The following TTC27 variants were observed in gnomAD, a reference collection of about 807,000 sequenced individuals.
TTC27 encodes the protein tetratricopeptide repeat protein 27.
TTC27 carries 79 observed loss-of-function variants against 115.9 expected under a neutral mutation model. The observed-to-expected ratio is 0.68, with a 90% confidence interval of 0.57 to 0.82. TTC27 has a LOEUF of 0.82. TTC27 is among the 40% of genes least tolerant of loss of function. The probability of loss-of-function intolerance (pLI) is 0.00; values close to 1 mark genes in which losing one functional copy is unlikely to be tolerated. For synonymous variants in TTC27, 401 were observed against 356.0 expected, an observed-to-expected ratio of 1.13 and a Z score of -1.42; for missense variants, 1,054 against 993.1, an observed-to-expected ratio of 1.06 and a Z score of -0.82.
At position 32,640,602 on chromosome 2, in the gene TTC27, G is replaced by C. The variant is rs560171169; in HGVS notation, c.537+192G>C. Among the ~76,000 whole-genome samples the C allele has an allele frequency of 3.6e-4, 55 of 152,262 alleles. No individual in the cohort carries two copies. In the South Asian group the frequency reaches 5.0e-3, roughly 14 times the overall value. ...ATGAGATTGATCTAGTTTAGAATGAGATTATGTTGCACCTCCTTAATAGGA... is the reference window on the plus strand; with the variant it reads ...ATGAGATTGATCTAGTTTAGAATGACATTATGTTGCACCTCCTTAATAGGA... On this transcript the variant is annotated intron_variant, in intron 4 of 19. Coordinates refer to ENST00000317907, the MANE Select transcript of TTC27 (RefSeq NM_017735.5).
rs371783433 is a variant in TTC27 at position 32,725,495 on chromosome 2, C to T, written c.1234-8333C>T. On this transcript the variant is annotated intron_variant, in intron 10 of 19. Coordinates refer to ENST00000317907, the MANE Select transcript of TTC27 (RefSeq NM_017735.5). ...AAATCTGAAAGCTCCAAAATGATCT[C>T]CTTTGACTCCTTGTCACACATCCAG... Among the ~76,000 whole-genome samples, 113 of 152,302 alleles carry T rather than the reference C, an allele frequency of 7.4e-4. 1 individual carries two copies. The highest frequency in any genetic ancestry group is 1.3e-3 in the Non-Finnish European group (88 of 68,028).
chr2:32,754,002 G>A (rs1374735428), intron 12 of TTC27, among the ~76,000 whole-genome samples: 1 of 152,084 alleles, frequency 6.6e-6, no homozygotes, highest in East Asian at 1.9e-4. Context: ...TTGAACCTGG[G>A]AGGTGGAGGT....
At chr2:32,772,929 T>C (rs1484875200) in intron 13 of TTC27, among the ~76,000 whole-genome samples, 1 of 152,146 alleles carries the variant, frequency 6.6e-6, no homozygotes, top group Non-Finnish European at 1.5e-5. Context: ...CTGAGACTCA[T>C]AGGTTAAGTG....
intron 12 of TTC27, among the ~76,000 whole-genome samples, chr2:32,744,418 C>A (rs144877158): frequency 6.6e-6 from 1 of 152,124 alleles, no homozygotes; most frequent in South Asian, 2.1e-4. Context: ...GTTCTGTAAT[C>A]ATCTATTTAA....
chr2:32,808,370 C>G (rs112355227), intron 16 of TTC27, among the ~76,000 whole-genome samples: 2,170 of 152,338 alleles, frequency 0.014, 47 homozygotes, highest in African/African-American at 0.05. Flanking sequence ...ATGTGGAACT[C>G]TTTTCTAAGC....
intron 10 of TTC27, among the ~76,000 whole-genome samples, chr2:32,724,908 A>C (rs1668055448): frequency 6.6e-6 from 1 of 152,220 alleles, no homozygotes; most frequent in Admixed American, 6.5e-5. Flanking sequence ...CCATGTGGCC[A>C]AGGAGGCCTC....
rs376830825 is a variant in TTC27 at position 32,658,029 on chromosome 2, A to T, written c.641-6274A>T. Among the ~76,000 whole-genome samples, 39 of 152,294 alleles carry T rather than the reference A, an allele frequency of 2.6e-4. No homozygotes were observed. The East Asian group carries it at 6.4e-3, about 25-fold the overall frequency. ...TTTTTGGTAGAGACAGGGTTTCACC[A>T]TGTTGGCCAGACTGGTCTCGATCTC... On this transcript the variant is annotated intron_variant, in intron 5 of 19. Transcript: ENST00000317907.
Position 32,640,352 on chromosome 2 carries a change from T to A in TTC27, c.479T>A (p.Leu160Gln). ...SIYSLTSKPI[L>Q]LLLARIILVN... Reference sequence around the variant, plus strand: ...TACAGCCTGACCTCGAAGCCTATACTACTGTTATTAGCACGCATTATCCTA... The same window carrying A: ...TACAGCCTGACCTCGAAGCCTATACAACTGTTATTAGCACGCATTATCCTA... The change falls in exon 4 of 20, where the codon CTA (leucine) becomes CAA (glutamine). Residue 160 changes from leucine (L) to glutamine (Q), a missense_variant. Transcript: ENST00000317907. The A allele has an allele frequency of 1.2e-6, 2 of 1,614,020 alleles. No individual in the cohort carries two copies. The highest frequency in any genetic ancestry group is 1.7e-6 in the Non-Finnish European group (2 of 1,179,944).
At chr2:32,682,529 A>G (rs1202341054) in intron 9 of TTC27, among the ~76,000 whole-genome samples, 3 of 152,220 alleles carry the variant, frequency 2.0e-5, no homozygotes, top group Non-Finnish European at 4.4e-5. Context: ...CAGAGAGGAA[A>G]GAAACAGCAT....
chr2:32,703,713 CTT>C (rs1046298042), intron 10 of TTC27, among the ~76,000 whole-genome samples: 1 of 152,166 alleles, frequency 6.6e-6, no homozygotes, highest in African/African-American at 2.4e-5. Context: ...CATTTAGTCT[CTT>C]TTACACATTT....
chr2:32,650,125 T>C lies in TTC27; in HGVS notation c.538-6T>C, dbSNP rs1427329819. 1 of 1,612,210 alleles carries C rather than the reference T, an allele frequency of 6.2e-7. No individual in the cohort carries two copies. The highest frequency in any genetic ancestry group is 1.1e-5 in the South Asian group (1 of 90,838). On this transcript the variant is annotated splice_polypyrimidine_tract_variant and splice_region_variant and intron_variant, in intron 4 of 19. Coordinates refer to ENST00000317907, the MANE Select transcript of TTC27 (RefSeq NM_017735.5). ...TTATTTCAGCTTACGTGGTGTTTTT[T>C]CCTAGAGCTTGCCATGGTGGACTTT... is the stretch of plus-strand genomic sequence containing the variant.
At chr2:32,683,959 G>T (rs181144782) in intron 9 of TTC27, among the ~76,000 whole-genome samples, 228 of 152,026 alleles carry the variant, frequency 1.5e-3, no homozygotes, top group African/African-American at 5.2e-3. Flanking sequence ...TTTGTGACCC[G>T]CCTGGCCAAC....
intron 10 of TTC27, among the ~76,000 whole-genome samples, chr2:32,731,669 T>A (rs907228665): frequency 1.3e-5 from 2 of 151,984 alleles, no homozygotes; most frequent in African/African-American, 2.4e-5. Flanking sequence ...CAACCTAGAG[T>A]TCTGTTTTTG....
intron 13 of TTC27, among the ~76,000 whole-genome samples, chr2:32,771,168 G>A (rs1331772008): frequency 6.6e-6 from 1 of 152,164 alleles, no homozygotes; most frequent in African/African-American, 2.4e-5. Context: ...ATCTTTCTGA[G>A]CTTTTAAATA....
intron 10 of TTC27, among the ~76,000 whole-genome samples, chr2:32,708,648 A>C (rs1667468999): frequency 6.6e-6 from 1 of 150,420 alleles, no homozygotes. Flanking sequence ...GTAAGAATGC[A>C]GTATATTAAG....
chr2:32,657,825 TA>T (rs77974313), intron 5 of TTC27, among the ~76,000 whole-genome samples: 55 of 151,538 alleles, frequency 3.6e-4, no homozygotes, highest in African/African-American at 9.7e-4. Flanking sequence ...AAATGTAAAT[TA>T]AAAAAAAAAT....
chr2:32,747,040 C>T (rs1326378832), intron 12 of TTC27, among the ~76,000 whole-genome samples: 1 of 152,178 alleles, frequency 6.6e-6, no homozygotes, highest in Non-Finnish European at 1.5e-5. Flanking sequence ...GTGTTTCTCA[C>T]CTTCTCTGGA....
intron 9 of TTC27, among the ~76,000 whole-genome samples, chr2:32,695,748 A>AAAT (rs1559209920): frequency 9.2e-6 from 1 of 108,688 alleles, no homozygotes; most frequent in African/African-American, 3.7e-5. Context: ...AAAAAAAAAA[A>AAAT]AGCTGGGTGT....
At chr2:32,635,008 C>A (rs1260280295) in intron 3 of TTC27, among the ~76,000 whole-genome samples, 2 of 152,098 alleles carry the variant, frequency 1.3e-5, no homozygotes, top group Non-Finnish European at 2.9e-5. Flanking sequence ...GAGTGGTTTG[C>A]TCCCAGGGGT....
Sources: allele counts gnomAD v4.1 joint callset (sites outside exome capture counted in the v4.1 genomes callset), GRCh38; gene constraint gnomAD v4.1.1; transcripts MANE v1.5; gene names NCBI Gene and HGNC (gene_info 2026-07-23, HGNC 2026-07-21).